RCOR1: variants seen among roughly 807,000 people sequenced by gnomAD.
The protein encoded by RCOR1 is REST corepressor 1, also known as REST corepressor.
Under a neutral mutation model 64.0 loss-of-function variants are expected in RCOR1, and 12 were observed. The observed-to-expected ratio is 0.19, with a 90% CI of 0.12 to 0.30. RCOR1 has a LOEUF of 0.30. RCOR1 is among the 10% of genes least tolerant of loss of function. The pLI is 1.00. For synonymous variants in RCOR1, 279 were observed against 227.2 expected (o/e 1.23, Z -2.05); for missense variants, 502 against 621.2 (o/e 0.81, Z 2.04).
chr14:102,613,656 G>A (rs1471882504), intron 2 of RCOR1, among the ~76,000 whole-genome samples: 2 of 150,684 alleles, frequency 1.3e-5, no homozygotes, highest in South Asian at 2.1e-4. Flanking sequence ...TCCTGACCTC[G>A]TGATCCGCCC....
chr14:102,629,168 C>G (rs1461638172), intron 2 of RCOR1, among the ~76,000 whole-genome samples: 1 of 152,144 alleles, frequency 6.6e-6, no homozygotes, highest in Non-Finnish European at 1.5e-5. Context: ...TGCTGGGCAC[C>G]TCCTCCCCAT....
At chr14:102,637,744 A>G (rs1894274670) in intron 2 of RCOR1, among the ~76,000 whole-genome samples, 1 of 152,186 alleles carries the variant, frequency 6.6e-6, no homozygotes, top group Non-Finnish European at 1.5e-5. Flanking sequence ...GTCACCTCAC[A>G]TGGCTGCAAA....
chr14:102,694,786 C>T (rs1024867171), intron 3 of RCOR1, among the ~76,000 whole-genome samples: 6 of 152,074 alleles, frequency 3.9e-5, no homozygotes, highest in African/African-American at 1.4e-4. Context: ...TGATTCTCAG[C>T]GAGGTGTGAT....
At chr14:102,624,405 C>T (rs558520401) in intron 2 of RCOR1, among the ~76,000 whole-genome samples, 15 of 151,946 alleles carry the variant, frequency 9.9e-5, no homozygotes, top group African/African-American at 3.4e-4. Context: ...ACTTGGGAGG[C>T]TTAGGCAGAG....
chr14:102,619,831 C>T (rs1893836795), intron 2 of RCOR1, among the ~76,000 whole-genome samples: 1 of 152,128 alleles, frequency 6.6e-6, no homozygotes, highest in Admixed American at 6.6e-5. Context: ...AAGTTATGTA[C>T]ACCTCATCTA....
intron 2 of RCOR1, among the ~76,000 whole-genome samples, chr14:102,645,944 C>T (rs116575275): frequency 1.3e-5 from 2 of 152,324 alleles, no homozygotes; most frequent in African/African-American, 2.4e-5. Context: ...GCCCACATAG[C>T]TTTGTGTCCA....
At chr14:102,681,845 ATT>A (rs767593318) in intron 2 of RCOR1, 48 bp from the exon 3 acceptor site, 1 of 1,317,356 alleles carries the variant, frequency 7.6e-7, no homozygotes, top group Admixed American at 1.9e-5. Flanking sequence ...CTTATAGCTT[ATT>A]ATATGTGTTA....
chr14:102,715,489 C>T (rs1218603514), intron 8 of RCOR1, among the ~76,000 whole-genome samples: 1 of 150,452 alleles, frequency 6.6e-6, no homozygotes, highest in Non-Finnish European at 1.5e-5. Context: ...TCAAATGATC[C>T]TCCCATCTCA....
intron 2 of RCOR1, among the ~76,000 whole-genome samples, chr14:102,647,728 G>C (rs1438077570): frequency 6.6e-6 from 1 of 151,712 alleles, no homozygotes; most frequent in African/African-American, 2.4e-5. Context: ...GCCCTGGCTG[G>C]GGCCCAGTGG....
chr14:102,625,506 A>G (rs1893962865), intron 2 of RCOR1, among the ~76,000 whole-genome samples: 1 of 150,068 alleles, frequency 6.7e-6, no homozygotes, highest in South Asian at 2.1e-4. Flanking sequence ...AAGTGCTGGG[A>G]TTACAGGCAT....
chr14:102,726,328 T>G, intron 11 of RCOR1, 140 bp from the exon 12 acceptor site: 1 of 724,252 alleles, frequency 1.4e-6, no homozygotes, highest in Non-Finnish European at 2.2e-6. Context: ...CTGTCTCCCC[T>G]CCAAAAAAAA....
intron 2 of RCOR1, among the ~76,000 whole-genome samples, chr14:102,653,716 C>T (rs969205757): frequency 4.0e-5 from 6 of 151,766 alleles, no homozygotes; most frequent in African/African-American, 1.5e-4. Flanking sequence ...TGTGTAGCAC[C>T]TCCCTCTTGT....
intron 3 of RCOR1, among the ~76,000 whole-genome samples, chr14:102,688,677 G>A (rs1406687993): frequency 1.3e-5 from 2 of 152,164 alleles, no homozygotes; most frequent in Non-Finnish European, 2.9e-5. Flanking sequence ...ACTGGTTCAG[G>A]CAGCCTTTAA....
At chr14:102,698,127 G>A (rs1040859728) in intron 3 of RCOR1, among the ~76,000 whole-genome samples, 15 of 152,162 alleles carry the variant, frequency 9.9e-5, no homozygotes, top group African/African-American at 3.6e-4. Flanking sequence ...TGCAGCATTC[G>A]GGATCTACTG....
At chr14:102,612,163 A>G (rs1218972956) in intron 2 of RCOR1, among the ~76,000 whole-genome samples, 2 of 151,788 alleles carry the variant, frequency 1.3e-5, no homozygotes, top group Non-Finnish European at 2.9e-5. Context: ...TATACTACAC[A>G]AGGTAAATCT....
chr14:102,669,615 A>G (rs1486607867), intron 2 of RCOR1, among the ~76,000 whole-genome samples: 1 of 152,124 alleles, frequency 6.6e-6, no homozygotes, highest in African/African-American at 2.4e-5. Flanking sequence ...TTCACTGCTC[A>G]TAGGTGTGAT....
intron 2 of RCOR1, among the ~76,000 whole-genome samples, chr14:102,617,493 C>T (rs1237342181): frequency 6.6e-6 from 1 of 151,792 alleles, no homozygotes; most frequent in Non-Finnish European, 1.5e-5. Flanking sequence ...GTGGGAGGAT[C>T]ACTTGAGGAC....
At position 102,727,933 on chromosome 14, in the gene RCOR1, T is replaced by TTTGTTGTTG. The variant is rs577408404; in HGVS notation, c.*1439_*1447dup. 1 of 152,448 alleles carries TTTGTTGTTG rather than the reference T, an allele frequency of 6.6e-6. No individual in the cohort carries two copies. The highest frequency in any genetic ancestry group is 1.5e-5 in the Non-Finnish European group (1 of 67,992). The allele number at this position is 152,448 out of a possible 1,614,324, so 9.4% of individuals were successfully genotyped here. ...CTGCACTCAATACGCTGAAGTCGCT[T>TTTGTTGTTG]TTGTTGTTGTTGTTGTTGTTTGCAT... On this transcript the variant is annotated 3_prime_UTR_variant, in exon 12 of 12. Coordinates refer to ENST00000262241, the MANE Select transcript of RCOR1 (RefSeq NM_015156.4).
intron 3 of RCOR1, among the ~76,000 whole-genome samples, chr14:102,693,061 C>T (rs1001817538): frequency 1.3e-5 from 2 of 152,144 alleles, no homozygotes; most frequent in African/African-American, 4.8e-5. Flanking sequence ...CTTCTGCTCC[C>T]AGCCCACATC....
Sources: allele counts gnomAD v4.1 joint callset (sites outside exome capture counted in the v4.1 genomes callset), GRCh38; gene constraint gnomAD v4.1.1; transcripts MANE v1.5; gene names NCBI Gene and HGNC (gene_info 2026-07-23, HGNC 2026-07-21).